Variants in CNTN3 observed in about 807,000 individuals in gnomAD.
The protein encoded by CNTN3 is contactin-3.
A neutral mutation model predicts 119.1 loss-of-function variants in CNTN3; 60 were observed. The ratio of observed to expected loss-of-function variants is 0.50; its 90% CI spans 0.41 to 0.62. CNTN3 has a LOEUF of 0.62. Among genes scored for constraint, CNTN3 ranks in the 20% least tolerant of loss-of-function variants. The pLI, the probability that CNTN3 is intolerant of heterozygous loss-of-function variation, is 0.00. For synonymous variants in CNTN3, 450 were observed against 438.7 expected (o/e 1.03, Z -0.32); for missense variants, 1,101 against 1,242.4 (o/e 0.89, Z 1.71).
intron 4 of CNTN3, among the ~76,000 whole-genome samples, chr3:74,486,119 T>C (rs1469048328): frequency 2.0e-5 from 3 of 152,064 alleles, no homozygotes; most frequent in South Asian, 4.1e-4. Flanking sequence ...AAAATGCACA[T>C]AGTAGCTGCT....
intron 1 of CNTN3, among the ~76,000 whole-genome samples, chr3:74,599,522 T>C (rs1346552557): frequency 1.3e-5 from 2 of 152,028 alleles, no homozygotes; most frequent in African/African-American, 2.4e-5. Context: ...CATCAGGCAT[T>C]AGATTCTCAT....
chr3:74,445,574 T>C (rs1188648204), intron 4 of CNTN3, among the ~76,000 whole-genome samples: 1 of 152,192 alleles, frequency 6.6e-6, no homozygotes, highest in Non-Finnish European at 1.5e-5. Context: ...TGAAATTAAG[T>C]AGAAATGCTT....
At chr3:74,511,211 G>C (rs1439158020) in intron 2 of CNTN3, among the ~76,000 whole-genome samples, 2 of 151,902 alleles carry the variant, frequency 1.3e-5, no homozygotes, top group Non-Finnish European at 2.9e-5. Context: ...AAAAATCAAA[G>C]GTCTAGCAAT....
chr3:74,498,264 G>A (rs1024707926), intron 3 of CNTN3, among the ~76,000 whole-genome samples: 3 of 151,546 alleles, frequency 2.0e-5, no homozygotes, highest in Non-Finnish European at 3.0e-5. Context: ...CAAAAATGCT[G>A]GAAAAAAATA....
In CNTN3 at chr3:74,301,448, C is replaced by G. The variant is rs376260466; in HGVS notation, c.2045G>C (p.Gly682Ala). 1.9e-6 allele frequency: 3 copies of G among 1,614,002 alleles called. No homozygotes were observed. The highest frequency in any genetic ancestry group is 1.1e-5 in the South Asian group (1 of 91,084). Residue 682 changes from glycine (G) to alanine (A), a missense_variant, in exon 16 of 23, where the codon GGA becomes GCA. Transcript: ENST00000263665. ...EFRVVASNKIGGGEPSLPSEK... is the reference protein window; with the variant it reads ...EFRVVASNKIAGGEPSLPSEK... The stretch of plus-strand genomic sequence containing the variant: ...TGAGGGTAAACTTGGTTCTCCACCT[C>G]CAATTTTGTTACTGGCTACAACCCG...
chr3:74,314,046 C>T (rs552615664), intron 13 of CNTN3, among the ~76,000 whole-genome samples: 1 of 152,324 alleles, frequency 6.6e-6, no homozygotes, highest in African/African-American at 2.4e-5. Flanking sequence ...TTCATGAGGG[C>T]TTTACCCCAA....
chr3:74,314,106 G>GAGTT (rs557597941), intron 13 of CNTN3, among the ~76,000 whole-genome samples: 27 of 152,260 alleles, frequency 1.8e-4, no homozygotes, highest in African/African-American at 6.5e-4. Flanking sequence ...ACTACTGTGG[G>GAGTT]AGTTAGGATT....
Position 74,600,346 on chromosome 3 carries a change from C to T in CNTN3, c.-81+14045G>A, listed in dbSNP as rs185281093. Among the ~76,000 whole-genome samples the T allele has an allele frequency of 4.3e-3, 649 of 152,092 alleles. 3 individuals are homozygous for T. The highest frequency in any genetic ancestry group is 0.011 in the Admixed American group (173 of 15,262). On this transcript the variant is annotated intron_variant, in intron 1 of 22. Coordinates refer to ENST00000263665, the MANE Select transcript of CNTN3 (RefSeq NM_020872.3). ...TAGAAAAGTTCACTCACAATCACTA[C>T]GGAGGAAAAAGCAATAGTTCCCATT...
intron 1 of CNTN3, among the ~76,000 whole-genome samples, chr3:74,579,316 A>G (rs1385651560): frequency 3.3e-5 from 5 of 152,008 alleles, no homozygotes. Flanking sequence ...TGAAGACTTT[A>G]AAAGCACTCT....
intron 5 of CNTN3, among the ~76,000 whole-genome samples, chr3:74,411,166 T>G (rs931048170): frequency 6.6e-6 from 1 of 151,954 alleles, no homozygotes; most frequent in African/African-American, 2.4e-5. Context: ...GTCAGCCCAG[T>G]GTCCTATCTT....
At chr3:74,457,922 C>A (rs969763627) in intron 4 of CNTN3, among the ~76,000 whole-genome samples, 5 of 152,032 alleles carry the variant, frequency 3.3e-5, no homozygotes, top group African/African-American at 1.2e-4. Flanking sequence ...CCCACACCCA[C>A]ATCCACCAAG....
chr3:74,588,086 T>C (rs1704628292), intron 1 of CNTN3, among the ~76,000 whole-genome samples: 1 of 152,192 alleles, frequency 6.6e-6, no homozygotes, highest in African/African-American at 2.4e-5. Flanking sequence ...GTTTATATGC[T>C]GGATTACATT....
chr3:74,318,181 A>C lies in CNTN3; in HGVS notation c.1669-15374T>G, dbSNP rs552691918. 3.9e-5 allele frequency among the ~76,000 whole-genome samples: 6 copies of C among 152,286 alleles called. No homozygotes were observed. In the South Asian group the frequency reaches 1.2e-3, roughly 32 times the overall value. Reference sequence around the variant, plus strand: ...ACGTAGTTCTCAAGCCTTGGCTTTCAGCTCCATCAGCTCCTTTAAGGACTT... The same window carrying C: ...ACGTAGTTCTCAAGCCTTGGCTTTCCGCTCCATCAGCTCCTTTAAGGACTT... On this transcript the variant is annotated intron_variant, in intron 13 of 22. Coordinates refer to ENST00000263665, the MANE Select transcript of CNTN3 (RefSeq NM_020872.3).
In CNTN3 at chr3:74,458,344, C is replaced by T. The variant is rs534832881; in HGVS notation, c.358+28112G>A. Reference sequence around the variant, plus strand: ...CTACAGCTGGAGGGCCAGATCCAGGCTGCCACATGTTTTTGTCTGGTCTGA... The same window carrying T: ...CTACAGCTGGAGGGCCAGATCCAGGTTGCCACATGTTTTTGTCTGGTCTGA... On this transcript the variant is annotated intron_variant, in intron 4 of 22. Transcript: ENST00000263665. Among the ~76,000 whole-genome samples, 3 of 152,156 alleles carry T rather than the reference C, an allele frequency of 2.0e-5. No homozygotes were observed. The East Asian group carries it at 5.8e-4, about 29-fold the overall frequency.
intron 11 of CNTN3, among the ~76,000 whole-genome samples, chr3:74,355,486 ACT>A (rs1231867292): frequency 3.3e-5 from 5 of 150,332 alleles, no homozygotes; most frequent in African/African-American, 1.2e-4. Context: ...ACAGGTTCTC[ACT>A]CTGTTGCCCA....
At chr3:74,474,494 C>T (rs536342391) in intron 4 of CNTN3, among the ~76,000 whole-genome samples, 1 of 151,822 alleles carries the variant, frequency 6.6e-6, no homozygotes, top group Non-Finnish European at 1.5e-5. Context: ...AGTGATAGTC[C>T]CTTTTATTAT....
At chr3:74,312,898 A>G (rs1702729036) in intron 13 of CNTN3, among the ~76,000 whole-genome samples, 1 of 152,160 alleles carries the variant, frequency 6.6e-6, no homozygotes, top group African/African-American at 2.4e-5. Flanking sequence ...TTAAAATTCT[A>G]TGATTAATGT....
chr3:74,463,184 C>T (rs1398861154), intron 4 of CNTN3, among the ~76,000 whole-genome samples: 2 of 152,138 alleles, frequency 1.3e-5, no homozygotes, highest in Admixed American at 1.3e-4. Flanking sequence ...CGTTTGCTTT[C>T]TACAGTGTCT....
intron 22 of CNTN3, among the ~76,000 whole-genome samples, chr3:74,265,714 G>C (rs1396942492): frequency 6.6e-6 from 1 of 152,004 alleles, no homozygotes; most frequent in African/African-American, 2.4e-5. Flanking sequence ...CAAGATTAAA[G>C]ACAAAAGTTT....
Sources: gnomAD v4.1 joint callset for allele counts (sites outside exome capture counted in the v4.1 genomes callset) on GRCh38, gnomAD v4.1.1 for gene constraint, MANE v1.5 for transcripts, NCBI Gene and HGNC (gene_info 2026-07-23, HGNC 2026-07-21) for gene names.